GLRA2: variants seen among roughly 807,000 people sequenced by gnomAD.
GLRA2 encodes the protein glycine receptor subunit alpha-2.
In GLRA2, 11 loss-of-function variants were observed where a neutral mutation model predicts 31.6. The observed-to-expected ratio is 0.35, with a 90% CI of 0.22 to 0.58. GLRA2 has a LOEUF of 0.58. Ranked by LOEUF, GLRA2 falls within the 20% of genes least tolerant of loss-of-function variation. The pLI is 0.84. For missense variants in GLRA2, 212 were observed against 351.8 expected, an observed-to-expected ratio of 0.60 and a Z score of 3.18; for synonymous variants, 132 against 134.0, an observed-to-expected ratio of 0.99 and a Z score of 0.10.
chrX:14,487,495 G>C, the GLRA2 span, among the ~76,000 whole-genome samples: 1 of 104,292 alleles, frequency 9.6e-6, no homozygotes, highest in African/African-American at 3.5e-5. Context: ...GATCCTTTTA[G>C]TTAAAGGAAA....
Position 14,690,514 on chromosome X carries a change from TCTGCC to T in GLRA2, c.931-194_931-190del, listed in dbSNP as rs2091333785. ...TTCAGGGGCGTGTGACTTTCAGTGC[TCTGCC>T]CAGAATCTTCAAAGTAGAATCAATG... On this transcript the variant is annotated intron_variant, in intron 7 of 8. Coordinates refer to ENST00000218075, the MANE Select transcript of GLRA2 (RefSeq NM_002063.4). 7.1e-5 allele frequency among the ~76,000 whole-genome samples: 8 copies of T among 112,122 alleles called. No homozygotes were observed. In the Admixed American group the frequency reaches 7.6e-4, roughly 11 times the overall value.
chrX:14,473,983 C>T, the GLRA2 span, among the ~76,000 whole-genome samples: 1 of 111,078 alleles, frequency 9.0e-6, no homozygotes, highest in Admixed American at 9.6e-5. Context: ...TCGTTTTTTA[C>T]AGGGATCCAG....
chrX:14,493,594 T>TACATATATACATATATAC, the GLRA2 span, among the ~76,000 whole-genome samples: 210 of 102,143 alleles, frequency 2.1e-3, 2 homozygotes, highest in African/African-American at 7.4e-3. Context: ...TACACATATA[T>TACATATATACATATATAC]ACATATATAC....
Position 14,532,412 on chromosome X carries a change from C to T in GLRA2, c.202+40C>T, listed in dbSNP as rs372974248. 58 of 975,160 alleles carry T rather than the reference C, an allele frequency of 5.9e-5. No individual in the cohort carries two copies. The African/African-American group carries it at 1.1e-3, about 18-fold the overall frequency. 80.4% of individuals were successfully genotyped at this position (975,160 alleles called of 1,213,427 possible). A position where few individuals can be genotyped will look rare whatever the true frequency, so the allele number is the denominator to read the frequency against. On this transcript the variant is annotated intron_variant, in intron 2 of 8. Transcript: ENST00000218075. ...AACTTACGTTAAGCCTTTGAGAAAT[C>T]TTCTAGATGTTTGAATAGTTAACTG...
the GLRA2 span, among the ~76,000 whole-genome samples, chrX:14,519,810 G>T: frequency 9.0e-6 from 1 of 111,697 alleles, no homozygotes; most frequent in Non-Finnish European, 1.9e-5. Context: ...CTACAAAGAA[G>T]AAATAATGCT....
At chrX:14,591,111 C>T (rs756359773) in intron 4 of GLRA2, among the ~76,000 whole-genome samples, 11 of 112,113 alleles carry the variant, frequency 9.8e-5, no homozygotes, top group Non-Finnish European at 1.7e-4. Flanking sequence ...GTTAGAAATA[C>T]GCAAACACTA....
chrX:14,460,425 C>G, the GLRA2 span, among the ~76,000 whole-genome samples: 5 of 111,695 alleles, frequency 4.5e-5, no homozygotes, highest in East Asian at 5.6e-4. Flanking sequence ...TTCTATTGAT[C>G]GGAATAATTT....
intron 7 of GLRA2, among the ~76,000 whole-genome samples, chrX:14,620,310 C>T (rs993113273): frequency 9.2e-6 from 1 of 108,712 alleles, no homozygotes; most frequent in African/African-American, 3.4e-5. Context: ...TGTCCCTTCT[C>T]GCTTCTCCAG....
At chrX:14,575,995 TAATTG>T (rs1029932818) in intron 3 of GLRA2, among the ~76,000 whole-genome samples, 2 of 109,986 alleles carry the variant, frequency 1.8e-5, no homozygotes, top group African/African-American at 6.6e-5. Context: ...AAATCAAGTG[TAATTG>T]AGTTTGACTA....
chrX:14,627,112 G>A (rs2090597474), intron 7 of GLRA2, among the ~76,000 whole-genome samples: 1 of 110,607 alleles, frequency 9.0e-6, no homozygotes, highest in Non-Finnish European at 1.9e-5. Flanking sequence ...TGTGATCTGG[G>A]TACTTCTCAA....
At chrX:14,471,055 G>A in the GLRA2 span, among the ~76,000 whole-genome samples, 1 of 111,457 alleles carries the variant, frequency 9.0e-6, no homozygotes, top group Non-Finnish European at 1.9e-5. Context: ...CAGATGGTTT[G>A]CCATCAGCTG....
chrX:14,614,860 A>G (rs1044565268), intron 7 of GLRA2, among the ~76,000 whole-genome samples: 2 of 111,860 alleles, frequency 1.8e-5, no homozygotes, highest in Non-Finnish European at 3.8e-5. Flanking sequence ...ATCCATCTTT[A>G]GGAGAACAGG....
rs1393204045 is a variant in GLRA2, at chrX:14,731,366, C to CTT, written c.*883_*884dup. 2 of 111,750 alleles carry CTT rather than the reference C, an allele frequency of 1.8e-5. No homozygotes were observed. The highest frequency in any genetic ancestry group is 3.8e-5 in the Non-Finnish European group (2 of 53,183). The allele number at this position is 111,750 out of a possible 1,213,427, so 9.2% of individuals were successfully genotyped here. A position where few individuals can be genotyped will look rare whatever the true frequency, so the allele number is the denominator to read the frequency against. On this transcript the variant is annotated 3_prime_UTR_variant, in exon 9 of 9. Transcript: ENST00000218075. ...TTGCTTTGGCTATATTTACACGTGA[C>CTT]TTTAATCGCCCAACTGTGACTAGTC...
chrX:14,652,397 G>A (rs1024019569), intron 7 of GLRA2, among the ~76,000 whole-genome samples: 10 of 111,014 alleles, frequency 9.0e-5, no homozygotes, highest in Non-Finnish European at 1.3e-4. Flanking sequence ...ATATATAGGC[G>A]TATCTCATTT....
At chrX:14,493,943 A>G in the GLRA2 span, among the ~76,000 whole-genome samples, 4 of 109,307 alleles carry the variant, frequency 3.7e-5, no homozygotes, top group Non-Finnish European at 7.6e-5. Flanking sequence ...ATAACCACCA[A>G]TAATAGGATG....
rs891511869 is a variant in GLRA2 at position 14,640,215 on chromosome X, A to T, written c.930+31010A>T. ...TGCCAAGAGATAGGCAATATACAAC[A>T]GGCACTTTTAAGAAAGGAAACGTGC... On this transcript the variant is annotated intron_variant, in intron 7 of 8. Transcript: ENST00000218075. 4.5e-5 allele frequency among the ~76,000 whole-genome samples: 5 copies of T among 111,364 alleles called. No homozygotes were observed. In the South Asian group the frequency reaches 1.5e-3, roughly 33 times the overall value.
chrX:14,606,580 A>G (rs1180082675), intron 5 of GLRA2, among the ~76,000 whole-genome samples: 1 of 111,668 alleles, frequency 9.0e-6, no homozygotes, highest in African/African-American at 3.2e-5. Context: ...AGTCTTCCCC[A>G]TTTGCTAAAG....
At chrX:14,518,895 C>T in the GLRA2 span, among the ~76,000 whole-genome samples, 1 of 105,029 alleles carries the variant, frequency 9.5e-6, no homozygotes, top group Non-Finnish European at 1.9e-5. Flanking sequence ...GCCTGTAGTC[C>T]CAGCTACTTG....
At chrX:14,534,697 A>G (rs2089300101) in intron 2 of GLRA2, among the ~76,000 whole-genome samples, 1 of 109,686 alleles carries the variant, frequency 9.1e-6, no homozygotes, top group African/African-American at 3.3e-5. Flanking sequence ...TTTCTCCAGG[A>G]TAAGGAAATT....
Sources: allele counts gnomAD v4.1 joint callset (sites outside exome capture counted in the v4.1 genomes callset), GRCh38; gene constraint gnomAD v4.1.1; transcripts MANE v1.5; gene names NCBI Gene and HGNC (gene_info 2026-07-23, HGNC 2026-07-21).